The following CTNNA3 variants were observed in gnomAD, a reference collection of about 807,000 sequenced individuals.
CTNNA3 encodes catenin alpha 3.
Under a neutral mutation model 95.7 loss-of-function variants are expected in CTNNA3, and 76 were observed. The ratio of observed to expected loss-of-function variants is 0.79; its 90% CI spans 0.66 to 0.96. The LOEUF (loss-of-function observed/expected upper bound fraction) is 0.96. Ranked by LOEUF, CTNNA3 falls within the 40% of genes least tolerant of loss-of-function variation. The probability of loss-of-function intolerance (pLI) is 0.00; values close to 1 mark genes in which losing one functional copy is unlikely to be tolerated. For synonymous variants in CTNNA3, 431 were observed against 374.4 expected (o/e 1.15, Z -1.74); for missense variants, 1,191 against 1,089.8 (o/e 1.09, Z -1.31).
At chr10:67,529,993 CA>C (rs1348061298) in intron 4 of CTNNA3, among the ~76,000 whole-genome samples, 1 of 152,166 alleles carries the variant, frequency 6.6e-6, no homozygotes, top group Non-Finnish European at 1.5e-5. Flanking sequence ...TTTCCCTACA[CA>C]AGCTCTCTCT....
chr10:65,955,399 C>T (rs900823974), intron 17 of CTNNA3, among the ~76,000 whole-genome samples: 2 of 152,116 alleles, frequency 1.3e-5, no homozygotes, highest in Non-Finnish European at 2.9e-5. Flanking sequence ...TGCCTGATTG[C>T]CCTGGCCAGA....
intron 5 of CTNNA3, among the ~76,000 whole-genome samples, chr10:67,322,611 T>C (rs74596865): frequency 1.1e-3 from 164 of 152,366 alleles, no homozygotes; most frequent in African/African-American, 3.9e-3. Context: ...ATTTTCTTTA[T>C]CCAGTCTACC....
intron 16 of CTNNA3, among the ~76,000 whole-genome samples, chr10:65,984,255 A>G (rs2078380537): frequency 6.6e-6 from 1 of 151,306 alleles, no homozygotes; most frequent in Non-Finnish European, 1.5e-5. Context: ...ACATTACTCA[A>G]TTTATTCCAT....
At chr10:67,183,777 G>T (rs549059112) in intron 6 of CTNNA3, among the ~76,000 whole-genome samples, 1 of 152,016 alleles carries the variant, frequency 6.6e-6, no homozygotes, top group South Asian at 2.1e-4. Flanking sequence ...AATAAAAAAT[G>T]TAAACTTTAT....
At chr10:67,655,509 C>T (rs753928813) in intron 1 of CTNNA3, among the ~76,000 whole-genome samples, 5 of 152,022 alleles carry the variant, frequency 3.3e-5, no homozygotes, top group African/African-American at 1.2e-4. Flanking sequence ...CTTGAGGTCG[C>T]GTGCGGTGGC....
intron 1 of CTNNA3, among the ~76,000 whole-genome samples, chr10:67,711,770 T>A (rs1398035559): frequency 7.3e-6 from 1 of 137,246 alleles, no homozygotes; most frequent in Non-Finnish European, 1.5e-5. Context: ...AGTGTGATGT[T>A]CCCCTTCCTG....
chr10:66,670,436 T>C (rs1846619134), intron 9 of CTNNA3, among the ~76,000 whole-genome samples: 1 of 152,158 alleles, frequency 6.6e-6, no homozygotes, highest in African/African-American at 2.4e-5. Flanking sequence ...TCTCCAGGGA[T>C]GGTTCTTAAC....
intron 12 of CTNNA3, among the ~76,000 whole-genome samples, chr10:66,331,415 G>A (rs1209426196): frequency 9.8e-5 from 13 of 132,826 alleles, no homozygotes; most frequent in South Asian, 5.0e-4. Flanking sequence ...GTGCAGTGGC[G>A]CGATCTCGAC....
At chr10:66,236,973 A>G (rs2089886305) in intron 13 of CTNNA3, among the ~76,000 whole-genome samples, 1 of 151,356 alleles carries the variant, frequency 6.6e-6, no homozygotes, top group Admixed American at 6.6e-5. Flanking sequence ...AAAAAAACTT[A>G]AAAAGATTAG....
chr10:67,166,658 T>A (rs1861781201), intron 7 of CTNNA3, among the ~76,000 whole-genome samples: 1 of 152,346 alleles, frequency 6.6e-6, no homozygotes, highest in Middle Eastern at 3.4e-3. Context: ...TAACTCATCC[T>A]AGAATACCCT....
intron 7 of CTNNA3, among the ~76,000 whole-genome samples, chr10:66,873,707 T>C (rs1482438158): frequency 2.0e-5 from 3 of 152,076 alleles, no homozygotes; most frequent in African/African-American, 4.8e-5. Flanking sequence ...TGGCTAGCCA[T>C]AGGCAGTATA....
At chr10:66,479,976 A>ACACACACC (rs1284949439) in intron 11 of CTNNA3, among the ~76,000 whole-genome samples, 1 of 151,764 alleles carries the variant, frequency 6.6e-6, no homozygotes, top group Non-Finnish European at 1.5e-5. Flanking sequence ...ACACACACAC[A>ACACACACC]CACCCCAGAA....
chr10:67,325,843 C>A (rs976059016), intron 5 of CTNNA3, among the ~76,000 whole-genome samples: 1 of 151,968 alleles, frequency 6.6e-6, no homozygotes, highest in Non-Finnish European at 1.5e-5. Flanking sequence ...TAAAGTCTCC[C>A]CCTATTATAT....
intron 3 of CTNNA3, among the ~76,000 whole-genome samples, chr10:67,573,961 A>C (rs1221380895): frequency 6.6e-6 from 1 of 152,208 alleles, no homozygotes; most frequent in Non-Finnish European, 1.5e-5. Context: ...TAAATATAAA[A>C]GTGTTAAGAG....
intron 7 of CTNNA3, among the ~76,000 whole-genome samples, chr10:66,862,458 G>A (rs1191944003): frequency 6.6e-6 from 1 of 152,122 alleles, no homozygotes; most frequent in Admixed American, 6.6e-5. Context: ...GAGTGACTAG[G>A]GCAGGGGATA....
chr10:67,392,282 T>G (rs1163682055), intron 5 of CTNNA3, among the ~76,000 whole-genome samples: 3 of 152,264 alleles, frequency 2.0e-5, no homozygotes, highest in South Asian at 2.1e-4. Flanking sequence ...AGACATTTAT[T>G]CAGCCAACAG....
chr10:66,011,179 G>T (rs1022598995), intron 15 of CTNNA3, among the ~76,000 whole-genome samples: 3 of 152,020 alleles, frequency 2.0e-5, no homozygotes, highest in Admixed American at 6.6e-5. Context: ...GATGCCACTC[G>T]CAATTCCCCT....
intron 13 of CTNNA3, among the ~76,000 whole-genome samples, chr10:66,110,527 T>A (rs907071940): frequency 6.6e-6 from 1 of 152,094 alleles, no homozygotes; most frequent in Admixed American, 6.6e-5. Flanking sequence ...CACAAACATA[T>A]ACACTCAGTG....
chr10:66,266,118 AGG>A (rs1451454394), intron 13 of CTNNA3, among the ~76,000 whole-genome samples: 4 of 109,778 alleles, frequency 3.6e-5, no homozygotes, highest in African/African-American at 1.4e-4. Context: ...GAAGGAAGGA[AGG>A]AAGGAAAGAA....
Sources: gnomAD v4.1 joint callset for allele counts (sites outside exome capture counted in the v4.1 genomes callset) on GRCh38, gnomAD v4.1.1 for gene constraint, MANE v1.5 for transcripts, NCBI Gene and HGNC (gene_info 2026-07-23, HGNC 2026-07-21) for gene names.